The following EBF2 variants were observed in gnomAD, a reference collection of about 807,000 sequenced individuals.
EBF2 encodes EBF transcription factor 2, also known as transcription factor COE2.
Under a neutral mutation model 72.8 loss-of-function variants are expected in EBF2, and 21 were observed. That is an observed-to-expected ratio of 0.29 (90% confidence interval 0.20 to 0.42). The LOEUF (loss-of-function observed/expected upper bound fraction) is 0.42, where lower values mean the gene tolerates loss of function less well. Ranked by LOEUF, EBF2 falls within the 10% of genes least tolerant of loss-of-function variation. The probability of loss-of-function intolerance (pLI) is 1.00; values close to 1 mark genes in which losing one functional copy is unlikely to be tolerated. For missense variants in EBF2, 637 were observed against 731.2 expected, an observed-to-expected ratio of 0.87 and a Z score of 1.49; for synonymous variants, 299 against 274.2, an observed-to-expected ratio of 1.09 and a Z score of -0.89.
Position 25,929,165 on chromosome 8 carries a change from C to T in EBF2, c.552-20610G>A, listed in dbSNP as rs148445371. ...CTGCTCATGTTGATTCATTTAAATA[C>T]TCACGACAGTCCTGTGAGATATTAT... is the stretch of plus-strand genomic sequence containing the variant. On this transcript the variant is annotated intron_variant, in intron 6 of 15. Coordinates refer to ENST00000520164, the MANE Select transcript of EBF2 (RefSeq NM_022659.4). 1.6e-3 allele frequency among the ~76,000 whole-genome samples: 237 copies of T among 152,308 alleles called. 3 individuals carry two copies. The highest frequency in any genetic ancestry group is 5.5e-3 in the African/African-American group (229 of 41,564).
chr8:25,981,793 T>TG (rs371568583), intron 6 of EBF2, among the ~76,000 whole-genome samples: 49 of 140,216 alleles, frequency 3.5e-4, no homozygotes, highest in African/African-American at 1.3e-3. Flanking sequence ...GACTCCATCT[T>TG]AAAAAAAAAA....
chr8:25,960,649 A>G (rs1013029265), intron 6 of EBF2, among the ~76,000 whole-genome samples: 1 of 152,034 alleles, frequency 6.6e-6, no homozygotes. Flanking sequence ...TTAATGAAAG[A>G]TGAAATGGCC....
At chr8:25,901,561 T>C (rs188355769) in intron 7 of EBF2, among the ~76,000 whole-genome samples, 3 of 152,092 alleles carry the variant, frequency 2.0e-5, no homozygotes, top group Admixed American at 6.6e-5. Flanking sequence ...CCAATGATCA[T>C]GTATTTTTAA....
intron 6 of EBF2, among the ~76,000 whole-genome samples, chr8:25,991,235 G>A (rs1166642875): frequency 6.6e-6 from 1 of 152,218 alleles, no homozygotes; most frequent in Non-Finnish European, 1.5e-5. Context: ...ATGGGGAGAG[G>A]GAGAGATTTT....
chr8:25,968,683 C>T (rs1370859198), intron 6 of EBF2, among the ~76,000 whole-genome samples: 2 of 152,180 alleles, frequency 1.3e-5, no homozygotes, highest in South Asian at 2.1e-4. Context: ...TTGCCTCAGC[C>T]TCCCAGCAGC....
At chr8:25,976,449 C>A (rs892633938) in intron 6 of EBF2, among the ~76,000 whole-genome samples, 2 of 152,258 alleles carry the variant, frequency 1.3e-5, no homozygotes, top group Non-Finnish European at 2.9e-5. Context: ...ACATTCTGGG[C>A]AAATCCTTAG....
intron 6 of EBF2, among the ~76,000 whole-genome samples, chr8:25,923,747 A>G (rs1234859536): frequency 6.6e-6 from 1 of 152,166 alleles, no homozygotes; most frequent in Non-Finnish European, 1.5e-5. Flanking sequence ...GGTTTTTCAC[A>G]ATTTGTCCTC....
chr8:25,847,643 C>T (rs1296202191), intron 15 of EBF2, among the ~76,000 whole-genome samples: 1 of 152,110 alleles, frequency 6.6e-6, no homozygotes, highest in Admixed American at 6.6e-5. Context: ...ATTTAACAGA[C>T]TAGGAAACTG....
chr8:26,023,860 C>G (rs1805246429), intron 6 of EBF2, among the ~76,000 whole-genome samples: 1 of 152,060 alleles, frequency 6.6e-6, no homozygotes, highest in Non-Finnish European at 1.5e-5. Context: ...GAGTATCTGG[C>G]AGGGAAAAAA....
intron 6 of EBF2, among the ~76,000 whole-genome samples, chr8:25,941,292 G>A (rs1324825535): frequency 2.0e-5 from 3 of 149,766 alleles, no homozygotes; most frequent in East Asian, 2.0e-4. Flanking sequence ...TGCAACCTCC[G>A]CCTCCCGGGT....
intron 6 of EBF2, among the ~76,000 whole-genome samples, chr8:26,030,286 G>A (rs1185073065): frequency 6.6e-6 from 1 of 152,172 alleles, no homozygotes; most frequent in East Asian, 1.9e-4. Flanking sequence ...TCCCACCTAT[G>A]AGGGAGAACA....
intron 10 of EBF2, among the ~76,000 whole-genome samples, chr8:25,884,827 A>G (rs1802663822): frequency 6.6e-6 from 1 of 152,232 alleles, no homozygotes; most frequent in Non-Finnish European, 1.5e-5. Flanking sequence ...CTAAATTTTG[A>G]ATAAATAGAC....
chr8:25,989,634 TCTCCCA>T (rs1187883427), intron 6 of EBF2, among the ~76,000 whole-genome samples: 1 of 152,208 alleles, frequency 6.6e-6, no homozygotes, highest in Admixed American at 6.5e-5. Context: ...TGCAGACAAC[TCTCCCA>T]CATTTACAAG....
intron 6 of EBF2, among the ~76,000 whole-genome samples, chr8:25,922,519 A>G (rs1329286221): frequency 6.6e-6 from 1 of 152,248 alleles, no homozygotes; most frequent in Non-Finnish European, 1.5e-5. Context: ...AGATATCTAC[A>G]TAGATCCTAA....
chr8:25,909,504 C>T (rs1044576208), intron 6 of EBF2, among the ~76,000 whole-genome samples: 1 of 151,782 alleles, frequency 6.6e-6, no homozygotes, highest in African/African-American at 2.4e-5. Flanking sequence ...TTACCGCAGT[C>T]CCAAAGTCCC....
At chr8:25,947,638 G>A (rs1239865018) in intron 6 of EBF2, among the ~76,000 whole-genome samples, 4 of 152,174 alleles carry the variant, frequency 2.6e-5, no homozygotes, top group Non-Finnish European at 4.4e-5. Context: ...CAGCCTCAGT[G>A]TTCTGCATAC....
At chr8:25,951,613 G>A (rs1422575928) in intron 6 of EBF2, among the ~76,000 whole-genome samples, 1 of 152,196 alleles carries the variant, frequency 6.6e-6, no homozygotes, top group Non-Finnish European at 1.5e-5. Flanking sequence ...CACTTGGGAA[G>A]GGAGAGAATA....
chr8:25,889,588 G>A (rs1045805949), intron 8 of EBF2, among the ~76,000 whole-genome samples, 164 bp downstream of exon 8: 1 of 151,930 alleles, frequency 6.6e-6, no homozygotes, highest in African/African-American at 2.4e-5. Flanking sequence ...CCTTACAGTG[G>A]AGCAGGCTGG....
Position 25,958,397 on chromosome 8 carries a change from C to T in EBF2, c.552-49842G>A, listed in dbSNP as rs993754600. 5.9e-5 allele frequency among the ~76,000 whole-genome samples: 7 copies of T among 118,370 alleles called. No homozygotes were observed. The East Asian group carries it at 2.0e-3, about 34-fold the overall frequency. 77.7% of individuals were successfully genotyped at this position (118,370 alleles called of 152,430 possible). On this transcript the variant is annotated intron_variant, in intron 6 of 15. Transcript: ENST00000520164. ...GCACCTCCACTCATTATGATTTCCCCGGCATTTTTTTTTTTCTTCCTGCCC... is the reference window on the plus strand; with the variant it reads ...GCACCTCCACTCATTATGATTTCCCTGGCATTTTTTTTTTTCTTCCTGCCC...
Sources: gnomAD v4.1 joint callset for allele counts (sites outside exome capture counted in the v4.1 genomes callset) on GRCh38, gnomAD v4.1.1 for gene constraint, MANE v1.5 for transcripts, NCBI Gene and HGNC (gene_info 2026-07-23, HGNC 2026-07-21) for gene names.